The following DAB1 variants were observed in gnomAD, a reference collection of about 807,000 sequenced individuals.
DAB1 encodes the protein DAB adaptor protein 1.
DAB1 carries 15 observed loss-of-function variants against 64.6 expected under a neutral mutation model. That is an observed-to-expected ratio of 0.23 (90% CI 0.16 to 0.36). DAB1 has a LOEUF of 0.36. Ranked by LOEUF, DAB1 falls within the 10% of genes least tolerant of loss-of-function variation. The pLI is 1.00. For synonymous variants in DAB1, 235 were observed against 251.9 expected (o/e 0.93, Z 0.64); for missense variants, 596 against 706.7 (o/e 0.84, Z 1.78).
intron 3 of DAB1, among the ~76,000 whole-genome samples, chr1:58,489,687 C>G (rs895937945): frequency 6.6e-6 from 1 of 152,184 alleles, no homozygotes; most frequent in African/African-American, 2.4e-5. Flanking sequence ...CTGGGAGGCA[C>G]CCCCCAGTAG....
intron 4 of DAB1, among the ~76,000 whole-genome samples, chr1:58,216,500 G>A (rs1405530328): frequency 3.9e-5 from 6 of 152,144 alleles, no homozygotes; most frequent in Non-Finnish European, 8.8e-5. Context: ...ATGTGTGCAT[G>A]TGTCTTTATA....
At chr1:58,021,176 A>C (rs1034495462) in intron 5 of DAB1, among the ~76,000 whole-genome samples, 4 of 152,202 alleles carry the variant, frequency 2.6e-5, no homozygotes, top group Non-Finnish European at 2.9e-5. Flanking sequence ...TAGAGAAAAG[A>C]CTGGTTTGAA....
intron 2 of DAB1, among the ~76,000 whole-genome samples, chr1:57,260,999 T>A (rs763224478): frequency 6.6e-6 from 1 of 152,202 alleles, no homozygotes; most frequent in African/African-American, 2.4e-5. Context: ...ATCTCCCGCA[T>A]TTAATGATAA....
intron 1 of DAB1, chr1:57,881,027 T>C (rs1357781718): frequency 6.6e-6 from 1 of 152,252 alleles, no homozygotes; most frequent in Non-Finnish European, 1.5e-5. Context: ...TCTAGTTGAA[T>C]GACCTGGGCA....
chr1:57,062,804 G>T, intron 9 of DAB1, 80 bp downstream of exon 9: 1 of 1,209,482 alleles, frequency 8.3e-7, no homozygotes, highest in Non-Finnish European at 1.2e-6. Context: ...CAGGAGAAGG[G>T]TTTCCTTCCG....
chr1:57,774,165 A>G (rs920211927), intron 6 of DAB1, among the ~76,000 whole-genome samples: 3 of 151,828 alleles, frequency 2.0e-5, no homozygotes, highest in African/African-American at 4.8e-5. Context: ...CAAATCTTAA[A>G]ATTTCAGCAA....
At chr1:58,540,370 G>A (rs979691598) in intron 1 of DAB1, among the ~76,000 whole-genome samples, 32 of 151,478 alleles carry the variant, frequency 2.1e-4, no homozygotes, top group African/African-American at 7.3e-4. Flanking sequence ...CACCAAGCAT[G>A]CAAGCAGCAA....
At chr1:57,515,301 T>C (rs1411541137) in intron 7 of DAB1, among the ~76,000 whole-genome samples, 2 of 152,184 alleles carry the variant, frequency 1.3e-5, no homozygotes, top group African/African-American at 4.8e-5. Flanking sequence ...TAAAAAATTA[T>C]AGTGCAGTGA....
chr1:57,601,752 T>C (rs538370020), intron 7 of DAB1, among the ~76,000 whole-genome samples: 1 of 152,326 alleles, frequency 6.6e-6, no homozygotes, highest in Non-Finnish European at 1.5e-5. Context: ...TATTACAAGC[T>C]CTCCAAATGT....
At chr1:58,090,666 C>T (rs142982844) in intron 5 of DAB1, among the ~76,000 whole-genome samples, 46 of 152,284 alleles carry the variant, frequency 3.0e-4, no homozygotes, top group African/African-American at 1.0e-3. Flanking sequence ...TCATGCTATA[C>T]TTCCATTAGG....
At chr1:57,629,962 C>T (rs1645968892) in intron 7 of DAB1, among the ~76,000 whole-genome samples, 1 of 151,954 alleles carries the variant, frequency 6.6e-6, no homozygotes, top group Non-Finnish European at 1.5e-5. Flanking sequence ...AAAATCAGTT[C>T]TGTGTTTACT....
intron 1 of DAB1, among the ~76,000 whole-genome samples, chr1:57,383,897 A>C (rs907967955): frequency 6.6e-6 from 1 of 152,236 alleles, no homozygotes; most frequent in East Asian, 1.9e-4. Flanking sequence ...AAAAGTAAAA[A>C]TGCGTAAATC....
intron 7 of DAB1, among the ~76,000 whole-genome samples, chr1:57,494,582 C>T (rs1034241431): frequency 3.3e-5 from 5 of 152,208 alleles, no homozygotes; most frequent in Non-Finnish European, 7.3e-5. Context: ...GACCCCTTCC[C>T]CACATGGGCT....
chr1:58,197,525 G>A (rs149482139), intron 4 of DAB1, among the ~76,000 whole-genome samples: 1,714 of 151,762 alleles, frequency 0.011, 33 homozygotes, highest in African/African-American at 0.04. Context: ...CCGAGTGGCT[G>A]GGGCTACAGG....
At chr1:57,132,718 C>T (rs1475208616) in intron 4 of DAB1, among the ~76,000 whole-genome samples, 1 of 152,042 alleles carries the variant, frequency 6.6e-6, no homozygotes, top group Non-Finnish European at 1.5e-5. Flanking sequence ...CCTGTATTGT[C>T]TAATCATATA....
intron 3 of DAB1, among the ~76,000 whole-genome samples, chr1:58,473,377 C>T (rs1645383066): frequency 1.3e-5 from 2 of 151,502 alleles, no homozygotes; most frequent in African/African-American, 4.9e-5. Flanking sequence ...CCCGTCTCTA[C>T]TAAAAATACA....
rs533754637 is a variant in DAB1, at chr1:58,373,228, C to T, written n.258-29825G>A. On this transcript the variant is annotated intron_variant and non_coding_transcript_variant, in intron 3 of 20. Transcript: ENST00000485760. The stretch of plus-strand genomic sequence containing the variant: ...GGGTACATGTGCACATTGTGCAGGT[C>T]AGTTACATATGTATACATGTGCCAT... Among the ~76,000 whole-genome samples, 17 of 147,784 alleles carry T rather than the reference C, an allele frequency of 1.2e-4. 1 individual carries two copies. In the South Asian group the frequency reaches 2.8e-3, roughly 25 times the overall value.
At chr1:57,065,782 C>T (rs1012059718) in intron 8 of DAB1, among the ~76,000 whole-genome samples, 70 of 152,296 alleles carry the variant, frequency 4.6e-4, no homozygotes, top group Middle Eastern at 3.4e-3. Flanking sequence ...CTCAGACAGT[C>T]GCTTTGCTCT....
At chr1:57,883,185 T>A (rs1334074709) in intron 1 of DAB1, among the ~76,000 whole-genome samples, 2 of 152,178 alleles carry the variant, frequency 1.3e-5, no homozygotes, top group Non-Finnish European at 2.9e-5. Flanking sequence ...CCTCTTCTAT[T>A]TTTATGGAAG....
Sources: allele counts gnomAD v4.1 joint callset (sites outside exome capture counted in the v4.1 genomes callset), GRCh38; gene constraint gnomAD v4.1.1; transcripts MANE v1.5; gene names NCBI Gene and HGNC (gene_info 2026-07-23, HGNC 2026-07-21).